Variants in TNS1 observed in about 807,000 individuals in gnomAD.
TNS1 encodes the protein tensin 1, also known as tensin-1.
In TNS1, 62 loss-of-function variants were observed where a neutral mutation model predicts 168.6. The observed-to-expected ratio is 0.37, with a 90% confidence interval of 0.30 to 0.45. The LOEUF is 0.45. TNS1 is among the 20% of genes least tolerant of loss of function. The pLI, the probability that TNS1 is intolerant of heterozygous loss-of-function variation, is 1.00. For missense variants in TNS1, 2,240 were observed against 2,339.4 expected, an observed-to-expected ratio of 0.96 and a Z score of 0.88; for synonymous variants, 934 against 933.2, an observed-to-expected ratio of 1.00 and a Z score of -0.02.
intron 1 of TNS1, among the ~76,000 whole-genome samples, chr2:218,017,820 C>T (rs1042915730): frequency 3.9e-5 from 6 of 152,332 alleles, no homozygotes; most frequent in African/African-American, 1.4e-4. Context: ...ATATCTCAAC[C>T]ACAACCCCTC....
rs1211460321 is a variant in TNS1, at chr2:217,882,289, G to A, written c.1312+57C>T. 4.1e-6 allele frequency: 5 copies of A among 1,215,470 alleles called. No individual in the cohort carries two copies. In the African/African-American group the frequency reaches 6.0e-5, roughly 15 times the overall value. 75.3% of individuals were successfully genotyped at this position (1,215,470 alleles called of 1,614,324 possible). On this transcript the variant is annotated intron_variant, in intron 17 of 32. Coordinates refer to ENST00000682258, the MANE Select transcript of TNS1 (RefSeq NM_001387777.1). ...CAGACCAGGGGTGGAAGGGTGCTGG[G>A]GATAGGGTCAGGATAAAAGGAAGGA...
Position 217,869,572 on chromosome 2 carries a change from C to T in TNS1, c.1429+11326G>A, listed in dbSNP as rs148155747. 4.2e-4 allele frequency among the ~76,000 whole-genome samples: 64 copies of T among 152,262 alleles called. No individual in the cohort carries two copies. The East Asian group carries it at 0.011, about 26-fold the overall frequency. On this transcript the variant is annotated intron_variant, in intron 18 of 32. Transcript: ENST00000682258. Reference sequence around the variant, plus strand: ...CCACCTGCGTGGGACTCTGAGTGGCCTGATGGAGTCTCCCCAGGCGGCCAC... The same window carrying T: ...CCACCTGCGTGGGACTCTGAGTGGCTTGATGGAGTCTCCCCAGGCGGCCAC...
intron 1 of TNS1, among the ~76,000 whole-genome samples, chr2:217,997,089 A>G (rs1958483942): frequency 6.6e-6 from 1 of 151,916 alleles, no homozygotes; most frequent in African/African-American, 2.4e-5. Flanking sequence ...AGGCACATTC[A>G]AGGGCCTGAT....
At chr2:217,905,459 C>T in intron 6 of TNS1, 1 of 376,454 alleles carries the variant, frequency 2.7e-6, no homozygotes. Flanking sequence ...AGTCAGGCTG[C>T]CTATAGGAAC....
rs114649347 is a variant in TNS1, at chr2:217,994,748, C to T, written c.34-3692G>A. 3.3e-3 allele frequency among the ~76,000 whole-genome samples: 502 copies of T among 152,348 alleles called. 2 individuals carry two copies. Among genetic ancestry groups the T allele is most frequent in the Non-Finnish European group, 5.5e-3 (375 of 68,040 alleles). ...ATCTGAGTTTACAAAATATTTCCCCCCTGGGGCCTGGAGGGCAGGGACAGG... is the reference window on the plus strand; with the variant it reads ...ATCTGAGTTTACAAAATATTTCCCCTCTGGGGCCTGGAGGGCAGGGACAGG... On this transcript the variant is annotated intron_variant, in intron 1 of 32. Transcript: ENST00000682258.
At chr2:217,862,770 A>C (rs1488899680) in intron 18 of TNS1, among the ~76,000 whole-genome samples, 1 of 152,158 alleles carries the variant, frequency 6.6e-6, no homozygotes, top group Non-Finnish European at 1.5e-5. Flanking sequence ...GCCAGATCTC[A>C]GTCAGATGCC....
intron 18 of TNS1, among the ~76,000 whole-genome samples, chr2:217,879,890 TTCAGCTGGGA>T (rs1950533716): frequency 6.6e-6 from 1 of 152,154 alleles, no homozygotes; most frequent in African/African-American, 2.4e-5. Context: ...CAGGACTGGC[TTCAGCTGGGA>T]GGAGAAGCCA....
At chr2:217,839,753 A>C (rs34466485) in intron 19 of TNS1, among the ~76,000 whole-genome samples, 20,756 of 152,092 alleles carry the variant, frequency 0.14, 1,702 homozygotes, top group East Asian at 0.35. Context: ...ACCCTCACAG[A>C]CCCAGCTCTT....
chr2:218,033,112 C>A lies in TNS1; in HGVS notation c.156+708G>T, dbSNP rs1210767136. ...AGGGTGAAGAAAGAAGACCCACCAA[C>A]AGCGAGTCCTGAGGTCACAGGGACC... On this transcript the variant is annotated intron_variant, in intron 1 of 1. Transcript: ENST00000649572. The surrounding 1 kb of genome is among the most constrained non-coding windows in gnomAD (Gnocchi z 4.3). Among the ~76,000 whole-genome samples, 1 of 152,160 alleles carries A rather than the reference C, an allele frequency of 6.6e-6. No homozygotes were observed. The highest frequency in any genetic ancestry group is 2.4e-5 in the African/African-American group (1 of 41,434).
chr2:217,804,664 C>G, intron 32 of TNS1, 61 bp from the exon 33 acceptor site: 1 of 1,600,534 alleles, frequency 6.2e-7, no homozygotes, highest in Non-Finnish European at 8.5e-7. Context: ...AGGAGGTGGA[C>G]AGCAGCCCAG....
At chr2:217,942,345 G>A (rs1956954722) in intron 3 of TNS1, among the ~76,000 whole-genome samples, 1 of 152,034 alleles carries the variant, frequency 6.6e-6, no homozygotes, top group Non-Finnish European at 1.5e-5. Context: ...GCCCTCCATG[G>A]GCAGCAGAGT....
chr2:217,978,658 ACGCCCCGGGCAC>A (rs1957955493), intron 3 of TNS1, 95 bp downstream of exon 3: 2 of 505,618 alleles, frequency 4.0e-6, no homozygotes, highest in Non-Finnish European at 7.3e-6. Flanking sequence ...AGGAGGAGGG[ACGCCCCGGGCAC>A]CGCCCCCGCC....
At chr2:217,861,893 T>G (rs1465404180) in intron 18 of TNS1, among the ~76,000 whole-genome samples, 1 of 152,158 alleles carries the variant, frequency 6.6e-6, no homozygotes, top group Non-Finnish European at 1.5e-5. Flanking sequence ...CCAGCCCATA[T>G]GTATCACACC....
chr2:218,026,482 C>T (rs1260652785), intron 1 of TNS1, among the ~76,000 whole-genome samples: 2 of 152,144 alleles, frequency 1.3e-5, no homozygotes, highest in African/African-American at 4.8e-5. Context: ...AGACCAGGAG[C>T]CTGCTCTGGG....
intron 2 of TNS1, chr2:217,979,054 C>T (rs927917221): frequency 2.3e-4 from 94 of 404,794 alleles, no homozygotes; most frequent in Admixed American, 4.6e-4. Flanking sequence ...AGAGCCCCTC[C>T]GGGTGCGGGA....
rs1937360311 is a variant in TNS1, at chr2:217,800,738, T to A, written c.*3721A>T. The A allele has an allele frequency of 6.6e-6, 1 of 151,506 alleles. No individual in the cohort carries two copies. The highest frequency in any genetic ancestry group is 2.4e-5 in the African/African-American group (1 of 41,154). The allele number at this position is 151,506 out of a possible 1,614,324, so 9.4% of individuals were successfully genotyped here. On this transcript the variant is annotated 3_prime_UTR_variant, in exon 33 of 33. Transcript: ENST00000682258. ...CCTTGACTCACAGGATCTCCCCAGG[T>A]CCTAAAGCTGAAAAAAAAAGTGGGA...
At chr2:217,904,968 G>A (rs991701298) in intron 6 of TNS1, among the ~76,000 whole-genome samples, 1 of 152,170 alleles carries the variant, frequency 6.6e-6, no homozygotes, top group Non-Finnish European at 1.5e-5. Flanking sequence ...GGATGGAGTG[G>A]CATTCACCAA....
At chr2:217,940,389 C>A (rs1956852686) in intron 3 of TNS1, among the ~76,000 whole-genome samples, 1 of 152,194 alleles carries the variant, frequency 6.6e-6, no homozygotes, top group Non-Finnish European at 1.5e-5. Flanking sequence ...CTTTTGGCTC[C>A]AGAACTGAGC....
chr2:217,889,170 T>A (rs55837823), intron 12 of TNS1, among the ~76,000 whole-genome samples: 3,398 of 152,336 alleles, frequency 0.022, 58 homozygotes, highest in Non-Finnish European at 0.038. Context: ...AACCAGAATT[T>A]TCTGCACATA....
Sources: allele counts gnomAD v4.1 joint callset (sites outside exome capture counted in the v4.1 genomes callset), GRCh38; gene constraint gnomAD v4.1.1; non-coding constraint Gnocchi (gnomAD v3.1); transcripts MANE v1.5; gene names NCBI Gene and HGNC (gene_info 2026-07-23, HGNC 2026-07-21).